HCN1: variants seen among roughly 807,000 people sequenced by gnomAD.
The protein encoded by HCN1 is potassium/sodium hyperpolarization-activated cyclic nucleotide-gated channel 1.
A neutral mutation model predicts 78.9 loss-of-function variants in HCN1; 13 were observed. The ratio of observed to expected loss-of-function variants is 0.16; its 90% CI spans 0.11 to 0.26. The LOEUF (loss-of-function observed/expected upper bound fraction) is 0.26, where lower values mean the gene tolerates loss of function less well. Among genes scored for constraint, HCN1 ranks in the 10% least tolerant of loss-of-function variants. HCN1 has a pLI of 1.00. For missense variants in HCN1, 810 were observed against 1,154.3 expected, an observed-to-expected ratio of 0.70 and a Z score of 4.32; for synonymous variants, 552 against 455.5, an observed-to-expected ratio of 1.21 and a Z score of -2.70.
At position 45,645,238 on chromosome 5, in the gene HCN1, AGAGACT is replaced by A; in HGVS notation, c.790_795del (p.Ser264_Leu265del). The A allele has an allele frequency of 6.2e-7, 1 of 1,613,636 alleles. No individual in the cohort carries two copies. On this transcript the variant is annotated inframe_deletion, in exon 2 of 8. Transcript: ENST00000303230. ...AACCTTGAAAGTCGTAATAAACGCA[AGAGACT>A]GAGAATTTTTGTAAACCTCACAATG...
At chr5:45,688,512 T>G (rs1187428392) in intron 1 of HCN1, among the ~76,000 whole-genome samples, 1 of 152,092 alleles carries the variant, frequency 6.6e-6, no homozygotes, top group Non-Finnish European at 1.5e-5. Flanking sequence ...GAGCTTTCAT[T>G]GCTTTCATCT....
intron 2 of HCN1, among the ~76,000 whole-genome samples, chr5:45,640,275 G>A (rs944119257): frequency 3.3e-5 from 5 of 151,988 alleles, no homozygotes; most frequent in South Asian, 2.1e-4. Flanking sequence ...ATTATTTAAC[G>A]GATTTAGAAC....
chr5:45,371,684 G>A (rs1482239840), intron 4 of HCN1, among the ~76,000 whole-genome samples: 1 of 149,654 alleles, frequency 6.7e-6, no homozygotes, highest in Non-Finnish European at 1.5e-5. Flanking sequence ...TTGAACCCGG[G>A]AGGCGAAGGT....
intron 2 of HCN1, among the ~76,000 whole-genome samples, chr5:45,488,796 T>C (rs1325758667): frequency 1.3e-5 from 2 of 152,160 alleles, no homozygotes; most frequent in Admixed American, 1.3e-4. Context: ...GCCATTCCTA[T>C]TCTTCATGTT....
intron 2 of HCN1, chr5:45,558,146 AAGAGAG>A (rs953749097): frequency 1.4e-5 from 2 of 147,618 alleles, no homozygotes; most frequent in African/African-American, 2.5e-5. Flanking sequence ...AAAAAAAAAA[AAGAGAG>A]AGAGAGAGAG....
chr5:45,580,754 G>C (rs1455045236), intron 2 of HCN1, among the ~76,000 whole-genome samples: 2 of 151,976 alleles, frequency 1.3e-5, no homozygotes, highest in Admixed American at 6.6e-5. Context: ...TGTTCTCATT[G>C]TTCAATTCCC....
chr5:45,596,262 A>C (rs886452919), intron 2 of HCN1, among the ~76,000 whole-genome samples: 5 of 152,144 alleles, frequency 3.3e-5, no homozygotes, highest in Non-Finnish European at 7.4e-5. Flanking sequence ...TAAGTTGAGA[A>C]GCTTCTGTAA....
chr5:45,460,188 TG>T (rs1187218188), intron 3 of HCN1, among the ~76,000 whole-genome samples: 8 of 151,856 alleles, frequency 5.3e-5, no homozygotes, highest in African/African-American at 1.9e-4. Context: ...TGTTGGGAGG[TG>T]GGGTCTAATA....
chr5:45,297,381 T>C (rs1015015205), intron 6 of HCN1, among the ~76,000 whole-genome samples: 1 of 152,094 alleles, frequency 6.6e-6, no homozygotes, highest in Non-Finnish European at 1.5e-5. Context: ...TATGAACATG[T>C]TACAGTGCTG....
intron 2 of HCN1, among the ~76,000 whole-genome samples, chr5:45,521,964 C>T (rs977924992): frequency 4.0e-5 from 6 of 151,876 alleles, no homozygotes; most frequent in Admixed American, 3.9e-4. Flanking sequence ...TAGAGTCTTA[C>T]TTGTTATAGA....
chr5:45,280,903 G>A (rs527926031), intron 6 of HCN1, among the ~76,000 whole-genome samples: 7 of 151,856 alleles, frequency 4.6e-5, no homozygotes, highest in South Asian at 2.1e-4. Context: ...CAAAAATTCC[G>A]TCTATTTTTC....
intron 1 of HCN1, among the ~76,000 whole-genome samples, chr5:45,680,626 G>A (rs572470340): frequency 3.3e-5 from 5 of 151,862 alleles, no homozygotes; most frequent in Non-Finnish European, 7.4e-5. Context: ...GAGTTTTGTT[G>A]GAAATACAAA....
At chr5:45,666,765 G>C (rs920057747) in intron 1 of HCN1, among the ~76,000 whole-genome samples, 2 of 151,800 alleles carry the variant, frequency 1.3e-5, no homozygotes, top group Non-Finnish European at 2.9e-5. Flanking sequence ...TAAATAAATT[G>C]AATAAATGAG....
chr5:45,452,232 G>C (rs1334148041), intron 3 of HCN1, among the ~76,000 whole-genome samples: 1 of 151,706 alleles, frequency 6.6e-6, no homozygotes, highest in East Asian at 1.9e-4. Context: ...ACTGGATGTA[G>C]AACAGAGACA....
chr5:45,681,311 GT>G (rs1240116757), intron 1 of HCN1, among the ~76,000 whole-genome samples: 5 of 152,038 alleles, frequency 3.3e-5, no homozygotes, highest in Admixed American at 6.6e-5. Flanking sequence ...ATGATTTTTT[GT>G]TTGTTTGTTT....
At chr5:45,461,420 T>C (rs557839213) in intron 3 of HCN1, among the ~76,000 whole-genome samples, 3 of 152,282 alleles carry the variant, frequency 2.0e-5, no homozygotes, top group South Asian at 4.1e-4. Flanking sequence ...TCTATATCTA[T>C]GCTGATGTAT....
intron 2 of HCN1, among the ~76,000 whole-genome samples, chr5:45,589,720 A>T (rs1744321776): frequency 6.6e-6 from 1 of 152,202 alleles, no homozygotes; most frequent in Non-Finnish European, 1.5e-5. Context: ...GCCAATAGTA[A>T]TATTTCAATA....
At chr5:45,300,499 T>C (rs1309418699) in intron 6 of HCN1, among the ~76,000 whole-genome samples, 1 of 152,096 alleles carries the variant, frequency 6.6e-6, no homozygotes, top group Non-Finnish European at 1.5e-5. Flanking sequence ...TATTTTCTCT[T>C]CCTTATTAAT....
At chr5:45,586,917 A>T (rs1744241192) in intron 2 of HCN1, among the ~76,000 whole-genome samples, 1 of 152,194 alleles carries the variant, frequency 6.6e-6, no homozygotes, top group Non-Finnish European at 1.5e-5. Context: ...AGAGTCAAAA[A>T]ATATGCACCT....
Sources: gnomAD v4.1 joint callset for allele counts (sites outside exome capture counted in the v4.1 genomes callset) on GRCh38, gnomAD v4.1.1 for gene constraint, MANE v1.5 for transcripts, NCBI Gene and HGNC (gene_info 2026-07-23, HGNC 2026-07-21) for gene names.